CDH4: variants seen among roughly 807,000 people sequenced by gnomAD.
The protein encoded by CDH4 is cadherin-4.
A neutral mutation model predicts 86.0 loss-of-function variants in CDH4; 33 were observed. The ratio of observed to expected loss-of-function variants is 0.38; its 90% CI spans 0.29 to 0.51. The LOEUF is 0.51. CDH4 is among the 20% of genes least tolerant of loss of function. CDH4 has a pLI of 0.86. For synonymous variants in CDH4, 555 were observed against 549.4 expected (o/e 1.01, Z -0.14); for missense variants, 1,114 against 1,307.4 (o/e 0.85, Z 2.28).
chr20:61,661,344 A>T (rs1383886049), intron 2 of CDH4, among the ~76,000 whole-genome samples: 1 of 152,116 alleles, frequency 6.6e-6, no homozygotes, highest in Non-Finnish European at 1.5e-5. Context: ...TTCAGCTTGG[A>T]GGGTGGAAGT....
rs576494817 is a variant in CDH4, at chr20:61,872,475, C to T, written c.878-1253C>T. On this transcript the variant is annotated intron_variant, in intron 6 of 15. Transcript: ENST00000614565. ...CATCTCATGCACACGGGAACGAGCA[C>T]CTCGGGTCTCTCTGAGACTGCCACC... is the stretch of plus-strand genomic sequence containing the variant. Among the ~76,000 whole-genome samples the T allele has an allele frequency of 2.6e-5, 4 of 152,260 alleles. No individual in the cohort carries two copies. In the East Asian group the frequency reaches 5.8e-4, roughly 22 times the overall value.
Position 61,743,806 on chromosome 20 carries a change from C to A in CDH4, c.396+17C>A. On this transcript the variant is annotated intron_variant, in intron 3 of 15. Transcript: ENST00000614565. ...GGACACAAGGTAAGGTGTGACCGCC[C>A]GGGTCTGCGCTGGAGTTTAGATGAC... 1 of 1,554,058 alleles carries A rather than the reference C, an allele frequency of 6.4e-7. No individual in the cohort carries two copies. The highest frequency in any genetic ancestry group is 8.8e-7 in the Non-Finnish European group (1 of 1,142,842).
At chr20:61,459,635 A>G (rs1483166276) in intron 2 of CDH4, among the ~76,000 whole-genome samples, 7 of 151,270 alleles carry the variant, frequency 4.6e-5, no homozygotes, top group Admixed American at 4.6e-4. Flanking sequence ...AGGACACCAT[A>G]GATGCGGGCT....
chr20:61,530,273 C>T (rs540096030), intron 2 of CDH4, among the ~76,000 whole-genome samples: 20 of 152,222 alleles, frequency 1.3e-4, no homozygotes, highest in South Asian at 4.1e-4. Context: ...TCAAGTGATC[C>T]GCCCCTTCGG....
chr20:61,566,628 C>T (rs748625455), intron 2 of CDH4, among the ~76,000 whole-genome samples: 1 of 152,130 alleles, frequency 6.6e-6, no homozygotes, highest in South Asian at 2.1e-4. Flanking sequence ...CCCGAGGACC[C>T]GTCAGTGCCC....
At position 61,326,301 on chromosome 20, in the gene CDH4, G is replaced by A. The variant is rs931029278; in HGVS notation, c.169+71364G>A. On this transcript the variant is annotated intron_variant, in intron 2 of 15. Coordinates refer to ENST00000614565, the MANE Select transcript of CDH4 (RefSeq NM_001794.5). ...AAATAAAGGATTGAGTGACCTGTTT[G>A]AAACCTGTTGGTTTGCTGATTAAAA... 5.9e-5 allele frequency among the ~76,000 whole-genome samples: 9 copies of A among 152,324 alleles called. No individual in the cohort carries two copies. In the South Asian group the frequency reaches 1.9e-3, roughly 32 times the overall value.
At chr20:61,493,778 C>T (rs894823256) in intron 2 of CDH4, among the ~76,000 whole-genome samples, 1 of 152,302 alleles carries the variant, frequency 6.6e-6, no homozygotes, top group South Asian at 2.1e-4. Flanking sequence ...AACTTTCACT[C>T]CCAACCCTCT....
At chr20:61,331,581 G>A (rs1029932561) in intron 2 of CDH4, among the ~76,000 whole-genome samples, 3 of 83,958 alleles carry the variant, frequency 3.6e-5, no homozygotes, top group Non-Finnish European at 5.2e-5. Flanking sequence ...CTGACCACCT[G>A]CCCCAGGCCC....
chr20:61,887,453 GCA>G (rs1173260116), intron 7 of CDH4, among the ~76,000 whole-genome samples: 1 of 152,222 alleles, frequency 6.6e-6, no homozygotes, highest in African/African-American at 2.4e-5. Context: ...ATACAGAGGT[GCA>G]CACATACACG....
intron 2 of CDH4, among the ~76,000 whole-genome samples, chr20:61,477,180 GAAGCCACGCAGTGTGC>G (rs1377648232): frequency 6.6e-6 from 1 of 152,220 alleles, no homozygotes; most frequent in East Asian, 1.9e-4. Flanking sequence ...TGTGGGCAGG[GAAGCCACGCAGTGTGC>G]GTGGAGGGCC....
intron 2 of CDH4, among the ~76,000 whole-genome samples, chr20:61,537,867 A>G (rs2086009349): frequency 6.6e-6 from 1 of 152,190 alleles, no homozygotes. Context: ...CAGCGCCATG[A>G]AAGGGGCCGA....
At chr20:61,530,281 C>T (rs529181288) in intron 2 of CDH4, among the ~76,000 whole-genome samples, 10 of 152,238 alleles carry the variant, frequency 6.6e-5, no homozygotes, top group South Asian at 6.2e-4. Flanking sequence ...TCCGCCCCTT[C>T]GGCCTCCCAA....
intron 7 of CDH4, among the ~76,000 whole-genome samples, chr20:61,890,545 GGATGGATGGGTGGATGATGCAT>G (rs1368595066): frequency 6.6e-6 from 1 of 151,658 alleles, no homozygotes; most frequent in Non-Finnish European, 1.5e-5. Flanking sequence ...GATTATGAAT[GGATGGATGGGTGGATGATGCAT>G]GATGGATGTG....
At chr20:61,354,568 T>C (rs962808729) in intron 2 of CDH4, among the ~76,000 whole-genome samples, 1 of 152,270 alleles carries the variant, frequency 6.6e-6, no homozygotes, top group African/African-American at 2.4e-5. Flanking sequence ...TTCCAGGCTT[T>C]CCCTTGCCCC....
chr20:61,561,802 A>G (rs892933336), intron 2 of CDH4, among the ~76,000 whole-genome samples: 4 of 152,246 alleles, frequency 2.6e-5, no homozygotes, highest in South Asian at 2.1e-4. Context: ...CTTTAGGAAC[A>G]TGGACAAGAA....
chr20:61,775,662 A>C (rs8123976), intron 4 of CDH4, among the ~76,000 whole-genome samples: 1 of 151,976 alleles, frequency 6.6e-6, no homozygotes. Flanking sequence ...GGGCTGCCCA[A>C]GCCACCCTCA....
At chr20:61,752,591 C>T (rs747867621) in intron 3 of CDH4, among the ~76,000 whole-genome samples, 9 of 152,146 alleles carry the variant, frequency 5.9e-5, no homozygotes, top group South Asian at 2.1e-4. Context: ...AGAAATCTTA[C>T]GCATAATCAC....
intron 2 of CDH4, among the ~76,000 whole-genome samples, chr20:61,607,015 C>T (rs147262869): frequency 1.3e-5 from 2 of 152,324 alleles, no homozygotes; most frequent in African/African-American, 2.4e-5. Flanking sequence ...AGCTGCTGGC[C>T]GGTCTGTGGT....
chr20:61,653,553 G>A (rs1353260303), intron 2 of CDH4, among the ~76,000 whole-genome samples: 9 of 134,500 alleles, frequency 6.7e-5, no homozygotes, highest in Non-Finnish European at 9.9e-5. Flanking sequence ...GGGGTGGCTG[G>A]CCAGGCGGGG....
Sources: gnomAD v4.1 joint callset for allele counts (sites outside exome capture counted in the v4.1 genomes callset) on GRCh38, gnomAD v4.1.1 for gene constraint, MANE v1.5 for transcripts, NCBI Gene and HGNC (gene_info 2026-07-23, HGNC 2026-07-21) for gene names.